Variants in RBFOX1 observed in about 807,000 individuals in gnomAD.
RBFOX1 encodes RNA binding fox-1 homolog 1.
A neutral mutation model predicts 57.7 loss-of-function variants in RBFOX1; 8 were observed. The observed-to-expected ratio is 0.14, with a 90% CI of 0.08 to 0.25. RBFOX1 has a LOEUF of 0.25. Ranked by LOEUF, RBFOX1 falls within the 10% of genes least tolerant of loss-of-function variation. The probability of loss-of-function intolerance (pLI) is 1.00; values close to 1 mark genes in which losing one functional copy is unlikely to be tolerated. For missense variants in RBFOX1, 611 were observed against 548.5 expected (o/e 1.11, Z -1.14); for synonymous variants, 326 against 222.4 (o/e 1.47, Z -4.15).
chr16:7,197,817 C>G (rs563066420), intron 4 of RBFOX1, among the ~76,000 whole-genome samples: 32 of 152,114 alleles, frequency 2.1e-4, no homozygotes, highest in Admixed American at 7.9e-4. Context: ...GAACCAGACA[C>G]AAAAGGTCAC....
chr16:7,132,507 G>C (rs144348364), intron 4 of RBFOX1, among the ~76,000 whole-genome samples: 6 of 147,254 alleles, frequency 4.1e-5, no homozygotes, highest in African/African-American at 1.5e-4. Context: ...AATAACATAA[G>C]ACAAATGTAT....
At chr16:5,589,333 A>C (rs1419407892) in intron 2 of RBFOX1, among the ~76,000 whole-genome samples, 3 of 152,156 alleles carry the variant, frequency 2.0e-5, no homozygotes, top group Non-Finnish European at 4.4e-5. Context: ...CAGGGGTCCC[A>C]GCGTTCAACT....
intron 1 of RBFOX1, among the ~76,000 whole-genome samples, chr16:5,391,458 G>A (rs1194361843): frequency 3.3e-5 from 5 of 152,088 alleles, no homozygotes; most frequent in Non-Finnish European, 7.4e-5. Flanking sequence ...CACTCCACAT[G>A]TAAGGTCCCT....
At chr16:7,246,471 T>C (rs983619157) in intron 4 of RBFOX1, among the ~76,000 whole-genome samples, 1 of 152,164 alleles carries the variant, frequency 6.6e-6, no homozygotes, top group Admixed American at 6.5e-5. Flanking sequence ...CTCGTTGTTT[T>C]GCTTTCAGGC....
At chr16:6,572,491 C>G (rs1216783304) in intron 2 of RBFOX1, among the ~76,000 whole-genome samples, 2 of 152,166 alleles carry the variant, frequency 1.3e-5, no homozygotes, top group Non-Finnish European at 2.9e-5. Flanking sequence ...TATATAAACT[C>G]ATTAAAATCC....
intron 4 of RBFOX1, among the ~76,000 whole-genome samples, chr16:5,997,171 G>A (rs2060505279): frequency 6.6e-6 from 1 of 151,896 alleles, no homozygotes; most frequent in Admixed American, 6.6e-5. Flanking sequence ...CTCTGCTGGT[G>A]CTCTCCATTG....
intron 3 of RBFOX1, among the ~76,000 whole-genome samples, chr16:5,811,063 C>G (rs2055409000): frequency 1.3e-5 from 2 of 151,826 alleles, no homozygotes; most frequent in Non-Finnish European, 2.9e-5. Flanking sequence ...CCTCCTCAGA[C>G]AACCACTGAT....
At chr16:6,869,289 A>G (rs1023136003) in intron 3 of RBFOX1, among the ~76,000 whole-genome samples, 8 of 152,174 alleles carry the variant, frequency 5.3e-5, no homozygotes, top group Non-Finnish European at 5.9e-5. Context: ...CTTATCAAGT[A>G]AATACTTATT....
At chr16:5,618,447 C>T (rs2048111306) in intron 3 of RBFOX1, among the ~76,000 whole-genome samples, 1 of 152,146 alleles carries the variant, frequency 6.6e-6, no homozygotes, top group Non-Finnish European at 1.5e-5. Context: ...ACGCCATTCT[C>T]CTGCCTCAGC....
At chr16:6,094,740 A>C (rs749347192) in intron 1 of RBFOX1, among the ~76,000 whole-genome samples, 1 of 152,120 alleles carries the variant, frequency 6.6e-6, no homozygotes, top group Non-Finnish European at 1.5e-5. Context: ...TCAACCTCAT[A>C]GTGTTGTTGT....
rs1054332859 is a variant in RBFOX1, at chr16:5,913,392, A to G, written c.351+46057A>G. On this transcript the variant is annotated intron_variant, in intron 4 of 19. Coordinates refer to the RBFOX1 transcript ENST00000641259. ...GGGCCTAGTGAAAGGGGTTTGGGTGATGGGGGGCAGTTGCCTCATGAATGG... is the reference window on the plus strand; with the variant it reads ...GGGCCTAGTGAAAGGGGTTTGGGTGGTGGGGGGCAGTTGCCTCATGAATGG... Among the ~76,000 whole-genome samples the G allele has an allele frequency of 6.6e-5, 10 of 152,246 alleles. No homozygotes were observed. In the East Asian group the frequency reaches 1.9e-3, roughly 29 times the overall value.
intron 3 of RBFOX1, among the ~76,000 whole-genome samples, chr16:5,675,270 AAC>A (rs2050131573): frequency 6.6e-6 from 1 of 152,160 alleles, no homozygotes; most frequent in African/African-American, 2.4e-5. Context: ...AGAGAGTGAA[AAC>A]ACATTTTTGG....
intron 3 of RBFOX1, among the ~76,000 whole-genome samples, chr16:6,884,406 A>G (rs1188399850): frequency 6.6e-6 from 1 of 152,188 alleles, no homozygotes; most frequent in Non-Finnish European, 1.5e-5. Flanking sequence ...CCACTTGTCT[A>G]CAAAAGGAGT....
chr16:5,548,374 A>G (rs1476057572), intron 2 of RBFOX1, among the ~76,000 whole-genome samples: 1 of 151,528 alleles, frequency 6.6e-6, no homozygotes, highest in Non-Finnish European at 1.5e-5. Flanking sequence ...CCCTGAATCT[A>G]AAATAAAAGT....
intron 3 of RBFOX1, among the ~76,000 whole-genome samples, chr16:6,742,632 T>C (rs1196490987): frequency 6.6e-6 from 1 of 152,220 alleles, no homozygotes; most frequent in Admixed American, 6.5e-5. Flanking sequence ...ATACCCGTAC[T>C]GTGAACTACT....
chr16:6,863,636 A>T (rs114733831), intron 3 of RBFOX1, among the ~76,000 whole-genome samples: 48 of 147,988 alleles, frequency 3.2e-4, no homozygotes, highest in African/African-American at 1.2e-3. Flanking sequence ...AGAGAATGGC[A>T]TCAAAATACC....
At chr16:6,573,698 G>A (rs2097377777) in intron 2 of RBFOX1, 1 of 152,244 alleles carries the variant, frequency 6.6e-6, no homozygotes, top group Non-Finnish European at 1.5e-5. Context: ...CAGGGGTGAC[G>A]CGCCTCCCGA....
At position 6,809,782 on chromosome 16, in the gene RBFOX1, A is replaced by T. The variant is rs1241551150; in HGVS notation, c.-16+155132A>T. On this transcript the variant is annotated intron_variant, in intron 3 of 15. Transcript: ENST00000550418. ...GCAATCATAGAAAGCAGTGGCTTTT[A>T]AAAAACACTTCAGCTGCCAAAAATC... 2.0e-5 allele frequency among the ~76,000 whole-genome samples: 3 copies of T among 150,452 alleles called. No individual in the cohort carries two copies. In the East Asian group the frequency reaches 5.8e-4, roughly 29 times the overall value.
At chr16:6,039,520 T>G (rs1050022294) in intron 1 of RBFOX1, among the ~76,000 whole-genome samples, 64 of 152,066 alleles carry the variant, frequency 4.2e-4, no homozygotes, top group African/African-American at 1.5e-3. Flanking sequence ...AAGGCAGGAT[T>G]TTTTTCCCCT....
Sources: gnomAD v4.1 joint callset for allele counts (sites outside exome capture counted in the v4.1 genomes callset) on GRCh38, gnomAD v4.1.1 for gene constraint, MANE v1.5 for transcripts, NCBI Gene and HGNC (gene_info 2026-07-23, HGNC 2026-07-21) for gene names.